Variants in NEBL observed in about 807,000 individuals in gnomAD.
NEBL encodes LIM and SH3 protein 2.
Under a neutral mutation model 140.2 loss-of-function variants are expected in NEBL, and 122 were observed. That is an observed-to-expected ratio of 0.87 (90% confidence interval 0.75 to 1.01). The LOEUF is 1.01. Among genes scored for constraint, NEBL ranks in the 50% least tolerant of loss-of-function variants. NEBL has a pLI of 0.00. For synonymous variants in NEBL, 436 were observed against 398.9 expected, an observed-to-expected ratio of 1.09 and a Z score of -1.11; for missense variants, 1,365 against 1,231.3, an observed-to-expected ratio of 1.11 and a Z score of -1.62.
In NEBL at chr10:20,785,116, A is replaced by G. The variant is rs1835298639; in HGVS notation, c.*631T>C. On this transcript the variant is annotated 3_prime_UTR_variant, in exon 28 of 28. Coordinates refer to ENST00000377122, the MANE Select transcript of NEBL (RefSeq NM_006393.3). ...TTGGGTCCATAGAATATAAATGGAG[A>G]GTAGGAGATGCCTTGGTACAAATGA... 1 of 154,800 alleles carries G rather than the reference A, an allele frequency of 6.5e-6. No homozygotes were observed. Among genetic ancestry groups the G allele is most frequent in the Non-Finnish European group, 1.4e-5 (1 of 69,502 alleles). 9.6% of individuals were successfully genotyped at this position (154,800 alleles called of 1,614,324 possible). A position where few individuals can be genotyped will look rare whatever the true frequency, so the allele number is the denominator to read the frequency against.
chr10:20,903,297 A>T (rs1847951517), intron 4 of NEBL, among the ~76,000 whole-genome samples: 1 of 152,214 alleles, frequency 6.6e-6, no homozygotes, highest in South Asian at 2.1e-4. Context: ...GATAAATGCA[A>T]ATTAAAACCA....
intron 4 of NEBL, among the ~76,000 whole-genome samples, chr10:20,884,450 T>C (rs1846287448): frequency 6.6e-6 from 1 of 152,182 alleles, no homozygotes; most frequent in African/African-American, 2.4e-5. Flanking sequence ...AGAAAATTCA[T>C]AGATCTCTAA....
chr10:21,131,878 T>C (rs1392106050), intron 2 of NEBL, among the ~76,000 whole-genome samples: 1 of 152,212 alleles, frequency 6.6e-6, no homozygotes, highest in African/African-American at 2.4e-5. Context: ...TTCCTGCTGT[T>C]GTATTTTTTG....
chr10:20,872,011 T>A (rs1017600666), intron 5 of NEBL, among the ~76,000 whole-genome samples: 1 of 152,174 alleles, frequency 6.6e-6, no homozygotes, highest in Non-Finnish European at 1.5e-5. Context: ...GTTACTACAT[T>A]CATATGAAAA....
In NEBL at chr10:21,029,181, T is replaced by C; in HGVS notation, c.165-8980A>G. 2.9e-6 allele frequency: 4 copies of C among 1,372,912 alleles called. No individual in the cohort carries two copies. In the South Asian group the frequency reaches 4.7e-5, roughly 16 times the overall value. The allele number at this position is 1,372,912 out of a possible 1,614,324, so 85.0% of individuals were successfully genotyped here. ...CGATTTGACACAGTAATGATAACAA[T>C]GTGTATAGGGCGCCTCCAATTGACC... On this transcript the variant is annotated intron_variant, in intron 2 of 6. Coordinates refer to the NEBL transcript ENST00000417816.
chr10:20,988,506 C>T (rs1363084524), intron 3 of NEBL, among the ~76,000 whole-genome samples: 1 of 152,096 alleles, frequency 6.6e-6, no homozygotes, highest in Non-Finnish European at 1.5e-5. Context: ...CTAAAGCCAA[C>T]TCCTCCCTCC....
intron 4 of NEBL, among the ~76,000 whole-genome samples, chr10:20,923,569 C>T (rs1311697616): frequency 7.0e-6 from 1 of 141,996 alleles, no homozygotes; most frequent in East Asian, 2.2e-4. Context: ...GTCCCAGCTA[C>T]TCAGGAGGCT....
chr10:21,029,444 C>A, intron 2 of NEBL: 2 of 1,611,522 alleles, frequency 1.2e-6, no homozygotes, highest in Non-Finnish European at 1.7e-6. Flanking sequence ...GACCTGGATT[C>A]CCTGCTCAGT....
At chr10:20,907,381 G>A (rs777694173) in intron 4 of NEBL, among the ~76,000 whole-genome samples, 2 of 152,046 alleles carry the variant, frequency 1.3e-5, no homozygotes, top group African/African-American at 2.4e-5. Context: ...TTTCATTAAT[G>A]AAATGACGTA....
intron 3 of NEBL, among the ~76,000 whole-genome samples, chr10:20,998,706 G>C (rs1837765702): frequency 6.6e-6 from 1 of 152,124 alleles, no homozygotes; most frequent in Admixed American, 6.5e-5. Flanking sequence ...TATCCAATCT[G>C]CATATTACAT....
At chr10:21,290,943 T>G in intron 1 of NEBL, among the ~76,000 whole-genome samples, 1 of 152,180 alleles carries the variant, frequency 6.6e-6, no homozygotes, top group Non-Finnish European at 1.5e-5. Flanking sequence ...AATCTGTCTA[T>G]TGTCAGTTCA....
chr10:20,877,872 G>A (rs988695414), intron 5 of NEBL, among the ~76,000 whole-genome samples: 9 of 152,124 alleles, frequency 5.9e-5, no homozygotes, highest in African/African-American at 2.2e-4. Context: ...CCATTTGGGT[G>A]CACCTCTTTC....
intron 26 of NEBL, among the ~76,000 whole-genome samples, chr10:20,792,362 A>C (rs1836083906): frequency 6.6e-6 from 1 of 152,226 alleles, no homozygotes; most frequent in Non-Finnish European, 1.5e-5. Flanking sequence ...AATGTATGTC[A>C]AATAACTTAA....
chr10:20,998,494 C>T (rs1256257166), intron 3 of NEBL, among the ~76,000 whole-genome samples: 1 of 152,080 alleles, frequency 6.6e-6, no homozygotes, highest in Non-Finnish European at 1.5e-5. Context: ...CCACTCTTGC[C>T]AGGGCTCTCA....
At chr10:20,883,880 C>T (rs970144883) in intron 4 of NEBL, among the ~76,000 whole-genome samples, 3 of 151,238 alleles carry the variant, frequency 2.0e-5, no homozygotes, top group Middle Eastern at 3.4e-3. Flanking sequence ...ATTAAGATTA[C>T]ATCAAATTAG....
At chr10:21,231,783 G>A (rs1842257766) in intron 3 of NEBL, among the ~76,000 whole-genome samples, 1 of 152,044 alleles carries the variant, frequency 6.6e-6, no homozygotes, top group African/African-American at 2.4e-5. Context: ...GTAGGGAGAA[G>A]GGTAGGAAAC....
intron 1 of NEBL, among the ~76,000 whole-genome samples, chr10:21,275,422 C>T (rs1221693931): frequency 6.6e-6 from 1 of 152,170 alleles, no homozygotes; most frequent in Non-Finnish European, 1.5e-5. Flanking sequence ...GGGATGACTC[C>T]AAAATAGGGG....
intron 3 of NEBL, among the ~76,000 whole-genome samples, chr10:21,001,921 C>T (rs1251025230): frequency 6.6e-6 from 1 of 152,162 alleles, no homozygotes; most frequent in Non-Finnish European, 1.5e-5. Context: ...TCCACCAACA[C>T]TTATTTCTCA....
At chr10:21,169,049 CAAAAA>C (rs147147865) in intron 2 of NEBL, among the ~76,000 whole-genome samples, 28 of 25,500 alleles carry the variant, frequency 1.1e-3, no homozygotes, top group South Asian at 4.3e-3. Context: ...ACTCCGTCTA[CAAAAA>C]AAAAAAAAAA....
Sources: gnomAD v4.1 joint callset for allele counts (sites outside exome capture counted in the v4.1 genomes callset) on GRCh38, gnomAD v4.1.1 for gene constraint, MANE v1.5 for transcripts, NCBI Gene and HGNC (gene_info 2026-07-23, HGNC 2026-07-21) for gene names.